The following NREP variants were observed in gnomAD, a reference collection of about 807,000 sequenced individuals.
NREP encodes neuronal regeneration related protein.
NREP carries 5 observed loss-of-function variants against 8.6 expected under a neutral mutation model. The ratio of observed to expected loss-of-function variants is 0.58; its 90% CI spans 0.30 to 1.22. The LOEUF (loss-of-function observed/expected upper bound fraction) is 1.22. NREP is among the 50% of genes most tolerant of loss of function. The probability of loss-of-function intolerance (pLI) is 0.07; values close to 1 mark genes in which losing one functional copy is unlikely to be tolerated. For missense variants in NREP, 86 were observed against 82.5 expected (o/e 1.04, Z -0.17); for synonymous variants, 27 against 28.0 (o/e 0.96, Z 0.11).
intron 2 of NREP, among the ~76,000 whole-genome samples, chr5:111,877,760 G>A (rs887147503): frequency 9.2e-5 from 14 of 152,112 alleles, no homozygotes; most frequent in South Asian, 4.1e-4. Flanking sequence ...TAACTCTTAC[G>A]TTTTAGGTTT....
chr5:111,854,879 G>A (rs1044698021), intron 2 of NREP, among the ~76,000 whole-genome samples: 6 of 152,038 alleles, frequency 3.9e-5, no homozygotes, highest in African/African-American at 1.4e-4. Context: ...AGAGAAAATA[G>A]GCAATATTGT....
rs1025979279 is a variant in NREP, at chr5:111,729,997, C to T, written c.*924G>A. The T allele has an allele frequency of 6.4e-5, 8 of 124,948 alleles. No homozygotes were observed. The highest frequency in any genetic ancestry group is 3.8e-4 in the Admixed American group (5 of 13,124). The allele number at this position is 124,948 out of a possible 1,614,324, so 7.7% of individuals were successfully genotyped here. A position where few individuals can be genotyped will look rare whatever the true frequency, so the allele number is the denominator to read the frequency against. On this transcript the variant is annotated 3_prime_UTR_variant, in exon 4 of 4. Coordinates refer to ENST00000257435, the MANE Select transcript of NREP (RefSeq NM_004772.4). ...CAAATATCCTTTCAAACAGAAAGAA[C>T]CCAAAGAGACACCTCAAAATGCCTG...
At chr5:111,789,088 C>A (rs1272011160) in intron 2 of NREP, among the ~76,000 whole-genome samples, 1 of 152,104 alleles carries the variant, frequency 6.6e-6, no homozygotes, top group Non-Finnish European at 1.5e-5. Flanking sequence ...TGAGCCTATT[C>A]CTTATTCTAA....
intron 2 of NREP, among the ~76,000 whole-genome samples, chr5:111,951,631 C>T (rs2112635399): frequency 6.6e-6 from 1 of 152,106 alleles, no homozygotes; most frequent in Non-Finnish European, 1.5e-5. Context: ...GGGTTGAAGG[C>T]TCTATGAGTA....
intron 2 of NREP, chr5:111,969,467 C>T (rs1246422382): frequency 6.6e-6 from 1 of 152,270 alleles, no homozygotes; most frequent in East Asian, 1.9e-4. Flanking sequence ...TATTAATAGA[C>T]ATACAGTAGC....
At chr5:111,744,050 T>G (rs146491621) in intron 2 of NREP, among the ~76,000 whole-genome samples, 1 of 152,112 alleles carries the variant, frequency 6.6e-6, no homozygotes, top group Non-Finnish European at 1.5e-5. Context: ...GTGGATGAGA[T>G]AGTTAGTTGC....
chr5:111,887,797 C>T (rs986336629), intron 2 of NREP, among the ~76,000 whole-genome samples: 5 of 152,174 alleles, frequency 3.3e-5, no homozygotes, highest in Admixed American at 3.3e-4. Flanking sequence ...GATAGCAACA[C>T]ATTCATATTT....
intron 2 of NREP, among the ~76,000 whole-genome samples, chr5:111,896,348 A>G (rs1754511732): frequency 6.6e-6 from 1 of 152,194 alleles, no homozygotes; most frequent in Non-Finnish European, 1.5e-5. Context: ...AGACTAAGAG[A>G]AAAACAGATT....
chr5:111,798,057 T>C (rs958114917), intron 2 of NREP, among the ~76,000 whole-genome samples: 2 of 152,344 alleles, frequency 1.3e-5, no homozygotes, highest in Middle Eastern at 3.4e-3. Flanking sequence ...ATGAATTAGA[T>C]AGTTATTCAG....
intron 2 of NREP, among the ~76,000 whole-genome samples, chr5:111,928,056 A>G (rs1755437805): frequency 6.6e-6 from 1 of 152,066 alleles, no homozygotes; most frequent in African/African-American, 2.4e-5. Flanking sequence ...AAGGGAGGAG[A>G]TGATTGCTAA....
At chr5:111,905,010 C>G (rs987756143) in intron 2 of NREP, among the ~76,000 whole-genome samples, 1 of 152,086 alleles carries the variant, frequency 6.6e-6, no homozygotes, top group Non-Finnish European at 1.5e-5. Context: ...CTCTCTCTCT[C>G]TCTCCATTCT....
At chr5:111,959,116 A>G (rs1445596078) in intron 2 of NREP, among the ~76,000 whole-genome samples, 1 of 152,040 alleles carries the variant, frequency 6.6e-6, no homozygotes, top group Non-Finnish European at 1.5e-5. Flanking sequence ...AGCATGAGTT[A>G]GGGTGGGAAA....
chr5:111,774,933 C>A (rs996477734), intron 2 of NREP, among the ~76,000 whole-genome samples: 1 of 152,130 alleles, frequency 6.6e-6, no homozygotes, highest in African/African-American at 2.4e-5. Flanking sequence ...GAAGAGAAAA[C>A]TGATACAAAT....
intron 2 of NREP, among the ~76,000 whole-genome samples, chr5:111,914,032 A>G (rs1407087792): frequency 6.6e-6 from 1 of 152,144 alleles, no homozygotes; most frequent in Non-Finnish European, 1.5e-5. Flanking sequence ...ATATGAGTCA[A>G]TTTAGTAGAT....
intron 2 of NREP, among the ~76,000 whole-genome samples, chr5:111,937,116 G>A (rs530188616): frequency 6.6e-6 from 1 of 152,180 alleles, no homozygotes; most frequent in Non-Finnish European, 1.5e-5. Flanking sequence ...TCAGAGGAGA[G>A]GGATCTTACC....
chr5:111,852,026 G>A (rs1202932818), intron 2 of NREP, among the ~76,000 whole-genome samples: 2 of 152,138 alleles, frequency 1.3e-5, no homozygotes, highest in Non-Finnish European at 2.9e-5. Flanking sequence ...GTAAGAGGCG[G>A]TGCCTTTGGG....
Position 111,884,818 on chromosome 5 carries a change from C to T in NREP, c.135+90456G>A, listed in dbSNP as rs921193926. On this transcript the variant is annotated intron_variant, in intron 2 of 3. Transcript: ENST00000395634. ...CTCAATAAATTAGGTTTTGATGGGACGTATCTCAAAATAATAAGAGCTATC... is the reference window on the plus strand; with the variant it reads ...CTCAATAAATTAGGTTTTGATGGGATGTATCTCAAAATAATAAGAGCTATC... 9.2e-5 allele frequency among the ~76,000 whole-genome samples: 14 copies of T among 152,214 alleles called. No homozygotes were observed. In the East Asian group the frequency reaches 9.7e-4, roughly 11 times the overall value.
intron 2 of NREP, among the ~76,000 whole-genome samples, chr5:111,898,262 C>T (rs1581201522): frequency 6.6e-6 from 1 of 151,910 alleles, no homozygotes; most frequent in African/African-American, 2.4e-5. Context: ...GTAATAAAGA[C>T]AAGAGATAAA....
At chr5:111,790,952 G>A (rs1340883103) in intron 2 of NREP, among the ~76,000 whole-genome samples, 1 of 152,134 alleles carries the variant, frequency 6.6e-6, no homozygotes, top group Non-Finnish European at 1.5e-5. Context: ...GTTCAGCAGG[G>A]CCAACTGTGG....
Sources: gnomAD v4.1 joint callset for allele counts (sites outside exome capture counted in the v4.1 genomes callset) on GRCh38, gnomAD v4.1.1 for gene constraint, MANE v1.5 for transcripts, NCBI Gene and HGNC (gene_info 2026-07-23, HGNC 2026-07-21) for gene names.